GATA4: variants seen among roughly 807,000 people sequenced by gnomAD.
GATA4 encodes GATA binding protein 4.
GATA4 carries 7 observed loss-of-function variants against 37.9 expected under a neutral mutation model. That is an observed-to-expected ratio of 0.18 (90% CI 0.11 to 0.35). The LOEUF is 0.35. Among genes scored for constraint, GATA4 ranks in the 10% least tolerant of loss-of-function variants. GATA4 has a pLI of 1.00. For synonymous variants in GATA4, 372 were observed against 292.6 expected (o/e 1.27, Z -2.77); for missense variants, 647 against 653.0 (o/e 0.99, Z 0.10).
intron 1 of GATA4, among the ~76,000 whole-genome samples, chr8:11,687,063 C>T (rs892144571): frequency 3.3e-5 from 5 of 151,866 alleles, no homozygotes; most frequent in African/African-American, 1.2e-4. Context: ...AGGGGATTAA[C>T]TCCAAAGCCT....
chr8:11,751,143 G>C (rs1412734167), intron 4 of GATA4, among the ~76,000 whole-genome samples: 2 of 152,060 alleles, frequency 1.3e-5, no homozygotes, highest in Admixed American at 1.3e-4. Context: ...TTTGTGCCTG[G>C]AAATGATACC....
chr8:11,749,129 A>G lies in GATA4; in HGVS notation c.786+44A>G, dbSNP rs369330675. ...GCCTCCTCTGGGCACCTGGCTGCGG[A>G]GCTCTCGCCTTGGTGGGACATCCTC... On this transcript the variant is annotated intron_variant, in intron 3 of 6. Transcript: ENST00000532059. This position sits in a 1 kb window ranked among gnomAD's most constrained non-coding sequence, Gnocchi z 4.6. 6 of 1,601,764 alleles carry G rather than the reference A, an allele frequency of 3.7e-6. No individual in the cohort carries two copies. In the African/African-American group the frequency reaches 8.0e-5, roughly 21 times the overall value.
rs993071301 is a variant in GATA4 at position 11,734,946 on chromosome 8, T to C, written c.617-13970T>C. Among the ~76,000 whole-genome samples, 7 of 152,152 alleles carry C rather than the reference T, an allele frequency of 4.6e-5. No individual in the cohort carries two copies. In the South Asian group the frequency reaches 1.2e-3, roughly 27 times the overall value. ...TTCACAGACGTTTAGTCCATAACCA[T>C]AAAGAAATGAACAAGTAAAATGTGA... On this transcript the variant is annotated intron_variant, in intron 2 of 6. Coordinates refer to ENST00000532059, the MANE Select transcript of GATA4 (RefSeq NM_001308093.3).
upstream of GATA4, among the ~76,000 whole-genome samples, chr8:11,701,244 G>GAA (rs56051265): frequency 4.3e-3 from 546 of 126,376 alleles, 27 homozygotes; most frequent in East Asian, 0.065. Flanking sequence ...CAGGTTCTTA[G>GAA]AAAAAAAAAA....
intron 2 of GATA4, among the ~76,000 whole-genome samples, chr8:11,711,092 G>T (rs182921255): frequency 1.5e-3 from 226 of 152,316 alleles, no homozygotes; most frequent in Admixed American, 1.9e-3. Context: ...GCGACAGAGG[G>T]AGTATGTCTC....
At chr8:11,732,639 G>T (rs1267314637) in intron 2 of GATA4, among the ~76,000 whole-genome samples, 1 of 152,212 alleles carries the variant, frequency 6.6e-6, no homozygotes, top group South Asian at 2.1e-4. Context: ...CCCGAGTCTG[G>T]AGGCTAGAGG....
chr8:11,752,315 G>C (rs1467684375), intron 4 of GATA4, among the ~76,000 whole-genome samples: 1 of 152,126 alleles, frequency 6.6e-6, no homozygotes, highest in Non-Finnish European at 1.5e-5. Flanking sequence ...TGCTGATAAA[G>C]ACATACCCAA....
intron 1 of GATA4, among the ~76,000 whole-genome samples, chr8:11,679,349 C>G (rs2129915997): frequency 6.6e-6 from 1 of 151,282 alleles, no homozygotes; most frequent in Non-Finnish European, 1.5e-5. Context: ...CTAGAAGAAA[C>G]TTAAAGGGGG....
At chr8:11,687,328 C>T (rs1799170190) in intron 1 of GATA4, among the ~76,000 whole-genome samples, 1 of 152,158 alleles carries the variant, frequency 6.6e-6, no homozygotes, top group Non-Finnish European at 1.5e-5. Flanking sequence ...CCACCCTCCC[C>T]CCGCAGAGAA....
At chr8:11,677,416 G>A (rs1017051334) in intron 1 of GATA4, among the ~76,000 whole-genome samples, 1 of 152,192 alleles carries the variant, frequency 6.6e-6, no homozygotes, top group Non-Finnish European at 1.5e-5. Context: ...GAAATGGAGA[G>A]GGGTGCCTGG....
intron 2 of GATA4, among the ~76,000 whole-genome samples, chr8:11,733,762 G>A (rs774245183): frequency 1.3e-5 from 2 of 152,228 alleles, no homozygotes; most frequent in African/African-American, 4.8e-5. Context: ...TCAGCACACT[G>A]CTCTGTTCTT....
chr8:11,678,734 G>T (rs1206107929), intron 1 of GATA4, among the ~76,000 whole-genome samples: 1 of 152,188 alleles, frequency 6.6e-6, no homozygotes, highest in Admixed American at 6.5e-5. Context: ...TCGGTCTACA[G>T]TAAAGGATAC....
At chr8:11,757,490 C>G (rs971794279) in intron 6 of GATA4, among the ~76,000 whole-genome samples, 3 of 152,196 alleles carry the variant, frequency 2.0e-5, no homozygotes, top group Admixed American at 6.5e-5. Context: ...GGCGTGGTTG[C>G]GCTGTCGGAG....
chr8:11,740,083 C>G (rs946498787), intron 2 of GATA4, among the ~76,000 whole-genome samples: 3 of 152,306 alleles, frequency 2.0e-5, no homozygotes, highest in East Asian at 1.9e-4. Context: ...GTGCTGATCC[C>G]CAGCCAGGGC....
intron 2 of GATA4, among the ~76,000 whole-genome samples, chr8:11,712,898 T>C (rs185289010): frequency 6.6e-6 from 1 of 152,088 alleles, no homozygotes; most frequent in African/African-American, 2.4e-5. Flanking sequence ...TATACTCTGC[T>C]TTACTAATAT....
Position 11,758,501 on chromosome 8 carries a change from C to T in GATA4, c.*26C>T, listed in dbSNP as rs1367575513. The T allele has an allele frequency of 6.2e-7, 1 of 1,612,670 alleles. No individual in the cohort carries two copies. Among genetic ancestry groups the T allele is most frequent in the Admixed American group, 1.7e-5 (1 of 60,026 alleles). Reference sequence around the variant, plus strand: ...TCTTCCCTCTTCCCTCCTCAAATTCCTGCACGGACCTGGGACTTGGAGGAT... The same window carrying T: ...TCTTCCCTCTTCCCTCCTCAAATTCTTGCACGGACCTGGGACTTGGAGGAT... On this transcript the variant is annotated 3_prime_UTR_variant, in exon 7 of 7. Transcript: ENST00000532059.
At chr8:11,699,766 A>C (rs1163498930), upstream of GATA4, among the ~76,000 whole-genome samples, 1 of 152,256 alleles carries the variant, frequency 6.6e-6, no homozygotes, top group Non-Finnish European at 1.5e-5. Context: ...TCCTGAACTC[A>C]GCAAAAATGT....
chr8:11,712,754 A>G (rs1157963004), intron 2 of GATA4, among the ~76,000 whole-genome samples: 1 of 151,240 alleles, frequency 6.6e-6, no homozygotes, highest in Non-Finnish European at 1.5e-5. Context: ...CCAGCAACTC[A>G]GGAGGCTGAG....
chr8:11,697,748 G>A, intron 1 of GATA4: 2 of 985,352 alleles, frequency 2.0e-6, no homozygotes, highest in Non-Finnish European at 2.4e-6. Flanking sequence ...GCCGCGCCAG[G>A]TCGCGGCGCC....
Sources: gnomAD v4.1 joint callset for allele counts (sites outside exome capture counted in the v4.1 genomes callset) on GRCh38, gnomAD v4.1.1 for gene constraint, Gnocchi (gnomAD v3.1) non-coding constraint, MANE v1.5 for transcripts, NCBI Gene and HGNC (gene_info 2026-07-23, HGNC 2026-07-21) for gene names.